Variants in ROBO2 observed in about 807,000 individuals in gnomAD.
The protein encoded by ROBO2 is roundabout guidance receptor 2, also known as roundabout homolog 2.
Under a neutral mutation model 160.8 loss-of-function variants are expected in ROBO2, and 53 were observed. That is an observed-to-expected ratio of 0.33 (90% CI 0.26 to 0.41). The LOEUF (loss-of-function observed/expected upper bound fraction) is 0.41, where lower values mean the gene tolerates loss of function less well. ROBO2 is among the 10% of genes least tolerant of loss of function. The pLI, the probability that ROBO2 is intolerant of heterozygous loss-of-function variation, is 1.00. For synonymous variants in ROBO2, 664 were observed against 611.7 expected (o/e 1.09, Z -1.26); for missense variants, 1,577 against 1,722.4 (o/e 0.92, Z 1.49).
At chr3:76,483,727 C>T (rs2079334670) in intron 2 of ROBO2, among the ~76,000 whole-genome samples, 2 of 152,108 alleles carry the variant, frequency 1.3e-5, no homozygotes, top group Admixed American at 6.6e-5. Flanking sequence ...CATCCTCCAC[C>T]CTCTGATAGG....
chr3:76,110,670 G>A (rs2219702), intron 2 of ROBO2, among the ~76,000 whole-genome samples: 9,749 of 151,944 alleles, frequency 0.064, 601 homozygotes, highest in East Asian at 0.34. Flanking sequence ...TGTGGGATTA[G>A]GGTAAAGAAA....
intron 2 of ROBO2, among the ~76,000 whole-genome samples, chr3:76,625,753 A>G (rs9637487): frequency 0.6 from 91,631 of 152,000 alleles, 27,813 homozygotes; most frequent in East Asian, 0.73. Context: ...CAGGAAGCGC[A>G]ACGTTGTGGG....
Position 77,574,086 on chromosome 3 carries a change from C to A in ROBO2, c.1972-413C>A, listed in dbSNP as rs149966082. Among the ~76,000 whole-genome samples, 1,368 of 152,032 alleles carry A rather than the reference C, an allele frequency of 9.0e-3. 11 individuals are homozygous for A. Among genetic ancestry groups the A allele is most frequent in the Middle Eastern group, 0.041 (12 of 294 alleles). ...ATAGACAAAGAATGAGAATGGAAAT[C>A]CCTGACAAAGGGCATATTACATATA... is the stretch of plus-strand genomic sequence containing the variant. On this transcript the variant is annotated intron_variant, in intron 13 of 25. Coordinates refer to ENST00000461745, the Ensembl canonical transcript of ROBO2.
chr3:77,376,745 A>C (rs1453520452), intron 2 of ROBO2, among the ~76,000 whole-genome samples: 1 of 152,164 alleles, frequency 6.6e-6, no homozygotes, highest in African/African-American at 2.4e-5. Flanking sequence ...ATTAGACCGC[A>C]AGTCCATTGA....
intron 1 of ROBO2, among the ~76,000 whole-genome samples, chr3:77,042,142 G>GC (rs1245604540): frequency 6.6e-6 from 1 of 152,150 alleles, no homozygotes; most frequent in African/African-American, 2.4e-5. Context: ...GAGTACCTTT[G>GC]CCCCCCAGCG....
chr3:76,428,151 T>G (rs1207415440), intron 2 of ROBO2, among the ~76,000 whole-genome samples: 2 of 152,158 alleles, frequency 1.3e-5, no homozygotes, highest in Non-Finnish European at 2.9e-5. Flanking sequence ...CAGGAAATAT[T>G]AAAATATAGA....
At chr3:76,605,951 G>C in intron 2 of ROBO2, among the ~76,000 whole-genome samples, 1 of 151,956 alleles carries the variant, frequency 6.6e-6, no homozygotes, top group Admixed American at 6.6e-5. Context: ...TCAAGGATGC[G>C]GTAGACAGGA....
chr3:76,434,049 T>C, intron 2 of ROBO2: 1 of 1,291,526 alleles, frequency 7.7e-7, no homozygotes, highest in Non-Finnish European at 1.1e-6. Context: ...GTAGAAAGAC[T>C]GGAGAGGGCA....
intron 2 of ROBO2, among the ~76,000 whole-genome samples, chr3:76,902,077 TCAA>T (rs1257242214): frequency 1.3e-5 from 2 of 152,026 alleles, no homozygotes; most frequent in Non-Finnish European, 2.9e-5. Context: ...TTTTCCTCAT[TCAA>T]CAATAATATG....
rs80147866 is a variant in ROBO2, at chr3:75,907,600, A to C, written c.-14+640A>C. 3.3e-3 allele frequency among the ~76,000 whole-genome samples: 505 copies of C among 152,282 alleles called. 2 individuals are homozygous for C. Among genetic ancestry groups the C allele is most frequent in the Non-Finnish European group, 5.2e-3 (354 of 68,024 alleles). ...TCATCTCCTCTTTATCCTTTGTTGC[A>C]AATTTGATACCTTTTTGGATTTCTT... On this transcript the variant is annotated intron_variant, in intron 1 of 26. Transcript: ENST00000487694.
intron 2 of ROBO2, among the ~76,000 whole-genome samples, chr3:75,962,676 T>A (rs1948962043): frequency 6.6e-6 from 1 of 151,968 alleles, no homozygotes; most frequent in African/African-American, 2.4e-5. Context: ...TCCTTCTTGA[T>A]GGAAGCTTGT....
At chr3:77,391,333 G>T (rs185933556) in intron 2 of ROBO2, among the ~76,000 whole-genome samples, 4 of 151,954 alleles carry the variant, frequency 2.6e-5, no homozygotes, top group African/African-American at 9.7e-5. Context: ...TTGAGACAGG[G>T]TCTCACTCTG....
chr3:77,267,782 C>T (rs2059232612), intron 2 of ROBO2, among the ~76,000 whole-genome samples: 1 of 152,012 alleles, frequency 6.6e-6, no homozygotes, highest in Non-Finnish European at 1.5e-5. Context: ...GTTGTAAAGC[C>T]CTAGGGGCGT....
At chr3:77,039,036 G>A (rs951202490), upstream of ROBO2, among the ~76,000 whole-genome samples, 2 of 152,270 alleles carry the variant, frequency 1.3e-5, no homozygotes, top group African/African-American at 2.4e-5. Context: ...CGCCCTGCGC[G>A]ATCGCGCATC....
chr3:76,632,530 T>G (rs551491961), intron 2 of ROBO2, among the ~76,000 whole-genome samples: 67 of 152,234 alleles, frequency 4.4e-4, no homozygotes, highest in Non-Finnish European at 7.5e-4. Context: ...AGTAAAGTCA[T>G]TAAATTTGTA....
chr3:76,362,957 G>A (rs7638144), intron 2 of ROBO2, among the ~76,000 whole-genome samples: 19,737 of 151,896 alleles, frequency 0.13, 1,553 homozygotes, highest in African/African-American at 0.22. Flanking sequence ...CAGGTCAGGC[G>A]ACATACACTG....
chr3:76,622,254 GAA>G (rs1168995632), intron 2 of ROBO2, among the ~76,000 whole-genome samples: 1 of 59,630 alleles, frequency 1.7e-5, no homozygotes, highest in African/African-American at 7.0e-5. Flanking sequence ...AAGAAAGAAA[GAA>G]AGAAAGAAAG....
At chr3:76,377,605 T>G (rs1178799902) in intron 2 of ROBO2, among the ~76,000 whole-genome samples, 1 of 152,136 alleles carries the variant, frequency 6.6e-6, no homozygotes, top group African/African-American at 2.4e-5. Context: ...TTATTTTTAT[T>G]TTCTCCTCTT....
At chr3:76,225,561 A>G (rs1038328255) in intron 2 of ROBO2, among the ~76,000 whole-genome samples, 1 of 152,072 alleles carries the variant, frequency 6.6e-6, no homozygotes, top group Admixed American at 6.6e-5. Context: ...CAAAAATACA[A>G]AAACTTAGCT....
Sources: gnomAD v4.1 joint callset for allele counts (sites outside exome capture counted in the v4.1 genomes callset) on GRCh38, gnomAD v4.1.1 for gene constraint, MANE v1.5 for transcripts, NCBI Gene and HGNC (gene_info 2026-07-23, HGNC 2026-07-21) for gene names.